SYP: variants seen among roughly 807,000 people sequenced by gnomAD.
SYP encodes synaptophysin.
In SYP, 2 loss-of-function variants were observed where a neutral mutation model predicts 24.3. The ratio of observed to expected loss-of-function variants is 0.08; its 90% CI spans 0.03 to 0.26. The LOEUF (loss-of-function observed/expected upper bound fraction) is 0.26. Ranked by LOEUF, SYP falls within the 10% of genes least tolerant of loss-of-function variation. The pLI is 1.00. For synonymous variants in SYP, 143 were observed against 123.2 expected (o/e 1.16, Z -1.07); for missense variants, 216 against 266.3 (o/e 0.81, Z 1.32).
chrX:49,191,693 G>T lies in SYP; in HGVS notation c.686C>A (p.Ala229Asp). ...LWFVFKETGW[A>D]APFLRAPPGA... ...GGGAGGCGCGCGCAGGAACGGGGCG[G>T]CCCAGCCTGTCTCCTTAAACACGAA... Residue 229 changes from alanine to aspartate, a missense_variant, in exon 6 of 7, where the codon GCC becomes GAC. Coordinates refer to ENST00000263233, the MANE Select transcript of SYP (RefSeq NM_003179.3). 8.3e-7 allele frequency: 1 copy of T among 1,207,380 alleles called. No homozygotes were observed. The highest frequency in any genetic ancestry group is 1.7e-5 in the African/African-American group (1 of 57,956).
intron 2 of SYP, 161 bp from the exon 3 acceptor site, chrX:49,198,000 G>T (rs2065534845): frequency 3.2e-6 from 2 of 619,199 alleles, no homozygotes; most frequent in African/African-American, 2.3e-5. Flanking sequence ...AGGACAAGCT[G>T]ATTACAAGGG....
chrX:49,191,187 A>C, intron 6 of SYP: 7 of 409,632 alleles, frequency 1.7e-5, no homozygotes, highest in Admixed American at 4.1e-5. Flanking sequence ...TTGCCCTTCT[A>C]CCTCCCTCCC....
chrX:49,194,594 C>G (rs1249259869), intron 3 of SYP, among the ~76,000 whole-genome samples: 1 of 111,234 alleles, frequency 9.0e-6, no homozygotes. Flanking sequence ...TTGATTATTT[C>G]TAGAACTTGC....
chrX:49,199,851 T>C (rs2065544336), intron 1 of SYP, among the ~76,000 whole-genome samples: 2 of 107,416 alleles, frequency 1.9e-5, no homozygotes, highest in South Asian at 4.1e-4. Context: ...CCCTTGTCCC[T>C]TGCCCTCACT....
chrX:49,197,808 C>A lies in SYP; in HGVS notation c.134G>T (p.Gly45Val), dbSNP rs1197572169. The A allele has an allele frequency of 1.7e-6, 2 of 1,207,996 alleles. No homozygotes were observed. The highest frequency in any genetic ancestry group is 2.2e-6 in the Non-Finnish European group (2 of 893,959). Residue 45 changes from glycine (G) to valine (V), a missense_variant, in exon 3 of 7, where the codon GGC becomes GTC. Gly to Val is a moderately radical substitution (Grantham distance 109). Around this residue, in one of 2 missense-constraint regions of SYP, gnomAD observed 102 missense variants for 158.4 expected, o/e 0.64. Coordinates refer to ENST00000263233, the MANE Select transcript of SYP (RefSeq NM_003179.3). ...VFAIFAFATCGSYSGELQLSV... is the reference protein window; with the variant it reads ...VFAIFAFATCVSYSGELQLSV... Reference sequence around the variant, plus strand: ...CAGCTGGAGCTCCCCACTGTAGCTGCCGCATGTGGCAAAGGCGAAGATGGC... The same window carrying A: ...CAGCTGGAGCTCCCCACTGTAGCTGACGCATGTGGCAAAGGCGAAGATGGC...
intron 2 of SYP, chrX:49,198,109 G>A: frequency 2.6e-6 from 1 of 378,960 alleles, no homozygotes; most frequent in Non-Finnish European, 4.6e-6. Flanking sequence ...TGTTCTCTGT[G>A]TATCTCACTG....
At chrX:49,191,169 C>T (rs2065506557) in intron 6 of SYP, 1 of 416,952 alleles carries the variant, frequency 2.4e-6, no homozygotes, top group Admixed American at 4.1e-5. Flanking sequence ...CCCCGCCTTT[C>T]CGCCGAGTTG....
intron 6 of SYP, 91 bp downstream of exon 6, chrX:49,191,342 G>A: frequency 1.9e-6 from 2 of 1,050,328 alleles, no homozygotes; most frequent in South Asian, 2.0e-5. Context: ...AACGCCTTAC[G>A]TACTCTCTAC....
rs782244835 is a variant in SYP at position 49,190,952 on chromosome X, C to A, written c.*4+481G>T. The A allele has an allele frequency of 4.3e-5, 6 of 140,290 alleles. No individual in the cohort carries two copies. In the South Asian group the frequency reaches 9.0e-4, roughly 21 times the overall value. 11.6% of individuals were successfully genotyped at this position (140,290 alleles called of 1,213,427 possible). ...GTTGGGGAGAGGCGGCAGATCTATC[C>A]CCTCCTCCCGGATTGGTGAGCTCGT... On this transcript the variant is annotated intron_variant, in intron 6 of 6. Coordinates refer to ENST00000263233, the MANE Select transcript of SYP (RefSeq NM_003179.3).
rs1557103649 is a variant in SYP, at chrX:49,198,977, C to T, written c.93G>A (p.Val31=). ...CCCGGACCACACTCACCCATTGCAG[C>T]ACCTTCACAAAGCCGAGGGGCTCCT... ...VVKEPLGFVK[V]LQWVFAIFAF... The change falls in exon 2 of 7, where the codon GTG becomes GTA. Residue 31 remains valine, a synonymous_variant. Transcript: ENST00000263233. 8.3e-7 allele frequency: 1 copy of T among 1,211,659 alleles called. No individual in the cohort carries two copies. The highest frequency in any genetic ancestry group is 1.1e-6 in the Non-Finnish European group (1 of 895,435).
rs2065493170 is a variant in SYP, at chrX:49,188,040, C to A, written c.*1247G>T. ...GGGCTCCAGACCAGGCCTCCAACCA[C>A]CCCAGGACGGGTGGAGGTGTGGAGG... On this transcript the variant is annotated 3_prime_UTR_variant, in exon 7 of 7. Coordinates refer to ENST00000263233, the MANE Select transcript of SYP (RefSeq NM_003179.3). 1 of 109,975 alleles carries A rather than the reference C, an allele frequency of 9.1e-6. No individual in the cohort carries two copies. Among genetic ancestry groups the A allele is most frequent in the Admixed American group, 9.6e-5 (1 of 10,380 alleles). The allele number at this position is 109,975 out of a possible 1,213,427, so 9.1% of individuals were successfully genotyped here.
rs2065520280 is a variant in SYP, at chrX:49,194,148, G to A, written c.423+18C>T. On this transcript the variant is annotated intron_variant, in intron 4 of 6. Coordinates refer to ENST00000263233, the MANE Select transcript of SYP (RefSeq NM_003179.3). ...GTGTCCCCATGGTCCCTACATGCAA[G>A]TGGCTGTGGGGACTCACCAGCATGG... 1 of 1,209,386 alleles carries A rather than the reference G, an allele frequency of 8.3e-7. No individual in the cohort carries two copies. The highest frequency in any genetic ancestry group is 1.8e-5 in the South Asian group (1 of 56,865).
intron 3 of SYP, chrX:49,197,197 G>T (rs1265099339): frequency 8.8e-6 from 1 of 113,406 alleles, no homozygotes; most frequent in Non-Finnish European, 1.8e-5. Flanking sequence ...TGGTCAGGCT[G>T]GTCTCGAACT....
In SYP at chrX:49,189,225, G is replaced by C. The variant is rs925359111; in HGVS notation, c.*62C>G. ...AGACCTAGGGTATAGGGGTGGGAAG[G>C]GGGGCAGGCCTTCTCCTGAGCTCTT... On this transcript the variant is annotated 3_prime_UTR_variant, in exon 7 of 7. Coordinates refer to ENST00000263233, the MANE Select transcript of SYP (RefSeq NM_003179.3). 9.2e-6 allele frequency: 1 copy of C among 109,173 alleles called. No homozygotes were observed. Among genetic ancestry groups the C allele is most frequent in the African/African-American group, 3.3e-5 (1 of 29,923 alleles). The allele number at this position is 109,173 out of a possible 1,213,427, so 9.0% of individuals were successfully genotyped here.
chrX:49,191,886 ACT>A (rs1281197907), intron 5 of SYP, 123 bp from the exon 6 acceptor site: 7 of 780,940 alleles, frequency 9.0e-6, no homozygotes, highest in Non-Finnish European at 1.1e-5. Flanking sequence ...TGAAACCCAG[ACT>A]CTCTGAGTCC....
intron 1 of SYP, 120 bp downstream of exon 1, chrX:49,200,031 C>A: frequency 1.1e-6 from 1 of 917,568 alleles, no homozygotes; most frequent in Non-Finnish European, 1.5e-6. Flanking sequence ...TCCCCAGCGC[C>A]GGGGACCGGG....
rs34247999 is a variant in SYP at position 49,194,704 on chromosome X, C to CTTTTTTTT, written c.228-351_228-344dup. Among the ~76,000 whole-genome samples the CTTTTTTTT allele has an allele frequency of 1.5e-3, 85 of 57,396 alleles. 1 individual carries two copies. The highest frequency in any genetic ancestry group is 1.6e-3 in the Non-Finnish European group (54 of 33,139). 49.8% of individuals were successfully genotyped at this position (57,396 alleles called of 115,157 possible). On this transcript the variant is annotated intron_variant, in intron 3 of 6. Transcript: ENST00000263233. ...GCTTCGGGTCTTACTCCCTCATCTC[C>CTTTTTTTT]TTTTTTTTTTTTTTTTTTTTTTTGA... is the stretch of plus-strand genomic sequence containing the variant.
chrX:49,199,094 A>G (rs2065540129), intron 1 of SYP, 61 bp from the exon 2 acceptor site: 1 of 1,109,846 alleles, frequency 9.0e-7, no homozygotes, highest in African/African-American at 1.8e-5. Context: ...GGTGAGCGGC[A>G]AGGCTGCCCA....
At chrX:49,191,195 C>T (rs1440273210) in intron 6 of SYP, 5 of 435,020 alleles carry the variant, frequency 1.1e-5, no homozygotes, top group Non-Finnish European at 2.0e-5. Context: ...CTACCTCCCT[C>T]CCATTGGCTC....
Sources: gnomAD v4.1 joint callset for allele counts (sites outside exome capture counted in the v4.1 genomes callset) on GRCh38, gnomAD v4.1.1 for gene constraint, gnomAD v4.1.1 regional missense constraint, MANE v1.5 for transcripts, NCBI Gene and HGNC (gene_info 2026-07-23, HGNC 2026-07-21) for gene names.